Variants in LMF1 observed in about 807,000 individuals in gnomAD.
The protein encoded by LMF1 is lipase maturation factor 1, also known as transmembrane protein 112.
A neutral mutation model predicts 60.6 loss-of-function variants in LMF1; 68 were observed. The ratio of observed to expected loss-of-function variants is 1.12; its 90% CI spans 0.92 to 1.37. The LOEUF (loss-of-function observed/expected upper bound fraction) is 1.37. LMF1 is among the 40% of genes most tolerant of loss of function. LMF1 has a pLI of 0.00. For synonymous variants in LMF1, 418 were observed against 324.7 expected, an observed-to-expected ratio of 1.29 and a Z score of -3.09; for missense variants, 948 against 767.2, an observed-to-expected ratio of 1.24 and a Z score of -2.78.
At chr16:956,163 C>T (rs1437368196) in intron 1 of LMF1, among the ~76,000 whole-genome samples, 1 of 120,734 alleles carries the variant, frequency 8.3e-6, no homozygotes, top group Non-Finnish European at 1.6e-5. Flanking sequence ...TCATGTCTCA[C>T]GGCGCCCACC....
intron 3 of LMF1, among the ~76,000 whole-genome samples, chr16:912,507 G>A (rs995845510): frequency 3.3e-5 from 5 of 152,230 alleles, no homozygotes; most frequent in African/African-American, 1.2e-4. Context: ...ACTGATGTGC[G>A]CCAATTACTG....
intron 1 of LMF1, among the ~76,000 whole-genome samples, chr16:959,687 A>G (rs1306341331): frequency 6.6e-6 from 1 of 152,228 alleles, no homozygotes; most frequent in Non-Finnish European, 1.5e-5. Flanking sequence ...GGAGCTGTAC[A>G]CAAACGCTGC....
chr16:911,142 T>C (rs769465929), intron 3 of LMF1, 63 bp from the exon 4 acceptor site: 12 of 1,548,952 alleles, frequency 7.7e-6, no homozygotes, highest in Non-Finnish European at 1.1e-5. Flanking sequence ...AAAGAAATCA[T>C]TTCAGAAACT....
At chr16:925,820 T>G (rs1327629715) in intron 3 of LMF1, among the ~76,000 whole-genome samples, 1 of 152,268 alleles carries the variant, frequency 6.6e-6, no homozygotes, top group Non-Finnish European at 1.5e-5. Flanking sequence ...AAAAAGGGAA[T>G]GAAAGAAATG....
chr16:871,037 C>T (rs2069772734), intron 7 of LMF1, 124 bp downstream of exon 7: 1 of 1,396,754 alleles, frequency 7.2e-7, no homozygotes, highest in South Asian at 1.4e-5. Context: ...TGGCACGCTA[C>T]ACTGCGGACG....
At position 869,922 on chromosome 16, in the gene LMF1, G is replaced by A. The variant is rs2069728725; in HGVS notation, c.1377C>T (p.His459=). 6.2e-7 allele frequency: 1 copy of A among 1,613,246 alleles called. No individual in the cohort carries two copies. Among genetic ancestry groups the A allele is most frequent in the Non-Finnish European group, 8.5e-7 (1 of 1,179,858 alleles). ...ACCACATCAGCCAGTCCAGGCGGTA[G>A]TGGTACGGGGAGATGAGGCAGGGCC... The part of the protein sequence containing the change: ...SRRPCLISPY[H]YRLDWLMWFA... Residue 459 remains histidine (H), a synonymous_variant, in exon 9 of 11, where the codon CAC becomes CAT. Transcript: ENST00000262301.
At chr16:979,170 C>A in intron 1 of LMF1, 1 of 440,216 alleles carries the variant, frequency 2.3e-6, no homozygotes, top group Non-Finnish European at 4.6e-6. Flanking sequence ...CCGACACCTC[C>A]CTCTCTGAAA....
chr16:878,579 C>T lies in LMF1; in HGVS notation c.897+991G>A, dbSNP rs1240566597. Among the ~76,000 whole-genome samples, 8 of 152,350 alleles carry T rather than the reference C, an allele frequency of 5.3e-5. No homozygotes were observed. The highest frequency in any genetic ancestry group is 2.6e-4 in the Admixed American group (4 of 15,306). On this transcript the variant is annotated intron_variant, in intron 6 of 10. Coordinates refer to ENST00000262301, the MANE Select transcript of LMF1 (RefSeq NM_022773.4). This position sits in a 1 kb window ranked among gnomAD's most constrained non-coding sequence, Gnocchi z 5.2. ...CCAGAAACTACCACACGTGCACAGA[C>T]GGGACGGGTGAACCGACCGCAGGCA...
rs778245767 is a variant in LMF1, at chr16:871,182, C to G, written c.1057G>C (p.Ala353Pro). Residue 353 changes from alanine to proline, a missense_variant, in exon 7 of 11, where the codon GCC (alanine) becomes CCC (proline). Ala to Pro is a conservative substitution (Grantham distance 27). Transcript: ENST00000262301. ...CTACCGAATCTGGGCTCGGGCCGGGCCCCTCGGATGTCCCTCTGCATCTGC... is the reference window on the plus strand; with the variant it reads ...CTACCGAATCTGGGCTCGGGCCGGGGCCCTCGGATGTCCCTCTGCATCTGC... ...VLQMQRDIRG[A>P]RPEPRFGSVV... 6.2e-7 allele frequency: 1 copy of G among 1,604,892 alleles called. No individual in the cohort carries two copies. The highest frequency in any genetic ancestry group is 1.1e-5 in the South Asian group (1 of 89,660).
In LMF1 at chr16:870,750, T is replaced by C. The variant is rs1450239528; in HGVS notation, c.1211A>G (p.Asn404Ser). 8 of 1,612,958 alleles carry C rather than the reference T, an allele frequency of 5.0e-6. No homozygotes were observed. Among genetic ancestry groups the C allele is most frequent in the Non-Finnish European group, 5.9e-6 (7 of 1,179,778 alleles). The change falls in exon 8 of 11, where the codon AAC becomes AGC. Residue 404 changes from asparagine (N) to serine (S), a missense_variant. Physicochemically the swap from Asn to Ser is conservative, Grantham distance 46. Transcript: ENST00000262301. ...NTHFNSLHIV[N>S]TYGAFGSITK... ...ATACCTTCCGAAGGCCCCGTAAGTG[T>C]TGACGATGTGAAGAGAGTTGAAGTG...
chr16:863,297 C>T (rs963947381), intron 10 of LMF1, among the ~76,000 whole-genome samples: 7 of 152,164 alleles, frequency 4.6e-5, no homozygotes, highest in South Asian at 2.1e-4. Context: ...CCTGCCACCA[C>T]GCCCAGCCAA....
intron 3 of LMF1, among the ~76,000 whole-genome samples, chr16:932,803 T>A (rs1253564014): frequency 1.3e-5 from 2 of 152,244 alleles, no homozygotes; most frequent in African/African-American, 4.8e-5. Flanking sequence ...TCTGTGGGCA[T>A]TTTGATACTG....
chr16:880,973 G>A (rs1034605779), intron 5 of LMF1, among the ~76,000 whole-genome samples: 17 of 152,202 alleles, frequency 1.1e-4, no homozygotes, highest in African/African-American at 2.7e-4. Context: ...TGGCACAGCC[G>A]CAGAAACCCC....
chr16:869,645 A>G (rs1316068175), intron 9 of LMF1: 15 of 657,406 alleles, frequency 2.3e-5, no homozygotes, highest in Non-Finnish European at 4.2e-5. Context: ...GATTCCTGGC[A>G]TGAGACACTA....
intron 1 of LMF1, among the ~76,000 whole-genome samples, chr16:960,062 G>A (rs1395625412): frequency 1.3e-5 from 2 of 152,212 alleles, no homozygotes; most frequent in Non-Finnish European, 2.9e-5. Context: ...GCCAGCAGCT[G>A]TGACACCCCG....
intron 4 of LMF1, chr16:901,059 A>C (rs2070799223): frequency 6.7e-6 from 1 of 150,130 alleles, no homozygotes; most frequent in Non-Finnish European, 1.5e-5. Context: ...TCCAGACAGA[A>C]GCCAGGTAGG....
intron 3 of LMF1, chr16:931,745 C>T (rs764280128): frequency 9.3e-6 from 12 of 1,287,120 alleles, no homozygotes; most frequent in East Asian, 5.5e-5. Context: ...GAAGCTACTA[C>T]GAGTCTTCTG....
chr16:909,614 C>T lies in LMF1; in HGVS notation c.663+1317G>A, dbSNP rs535562979. 2.0e-5 allele frequency among the ~76,000 whole-genome samples: 3 copies of T among 152,326 alleles called. No individual in the cohort carries two copies. In the South Asian group the frequency reaches 6.2e-4, roughly 32 times the overall value. ...ACACTGAACCATGCTACACGCTACACCGAGCCACACTTCATGCTACATGAT... is the reference window on the plus strand; with the variant it reads ...ACACTGAACCATGCTACACGCTACATCGAGCCACACTTCATGCTACATGAT... On this transcript the variant is annotated intron_variant, in intron 4 of 10. Transcript: ENST00000262301.
At chr16:958,241 T>C (rs4984735) in intron 1 of LMF1, among the ~76,000 whole-genome samples, 31,053 of 152,188 alleles carry the variant, frequency 0.2, 3,590 homozygotes, top group South Asian at 0.31. Context: ...AAACTGTAAA[T>C]TGAACTTTAT....
Sources: allele counts gnomAD v4.1 joint callset (sites outside exome capture counted in the v4.1 genomes callset), GRCh38; gene constraint gnomAD v4.1.1; non-coding constraint Gnocchi (gnomAD v3.1); transcripts MANE v1.5; gene names NCBI Gene and HGNC (gene_info 2026-07-23, HGNC 2026-07-21).